Variants in ZBTB7C observed in about 807,000 individuals in gnomAD.
The protein encoded by ZBTB7C is zinc finger and BTB domain-containing protein 7C.
A neutral mutation model predicts 25.7 loss-of-function variants in ZBTB7C; 8 were observed. That is an observed-to-expected ratio of 0.31 (90% CI 0.18 to 0.56). The LOEUF is 0.56. Ranked by LOEUF, ZBTB7C falls within the 20% of genes least tolerant of loss-of-function variation. The pLI is 0.91. For missense variants in ZBTB7C, 824 were observed against 855.2 expected (o/e 0.96, Z 0.46); for synonymous variants, 394 against 369.0 (o/e 1.07, Z -0.78).
intron 3 of ZBTB7C, among the ~76,000 whole-genome samples, chr18:48,041,854 C>T (rs377368395): frequency 1.0e-3 from 154 of 151,622 alleles, no homozygotes; most frequent in Non-Finnish European, 1.8e-3. Context: ...AAATATAATG[C>T]AATATAAATA....
chr18:48,270,560 C>T (rs1450292925), intron 2 of ZBTB7C, among the ~76,000 whole-genome samples: 2 of 150,846 alleles, frequency 1.3e-5, no homozygotes, highest in African/African-American at 4.9e-5. Flanking sequence ...TGTGGTGGCA[C>T]GCACCTGTAA....
chr18:48,051,216 C>G (rs762613188), intron 3 of ZBTB7C, among the ~76,000 whole-genome samples: 5 of 152,198 alleles, frequency 3.3e-5, no homozygotes, highest in African/African-American at 7.2e-5. Context: ...AGCCAGGGTG[C>G]GCTTCTCTAG....
chr18:48,356,255 A>G (rs1269482144), intron 1 of ZBTB7C, among the ~76,000 whole-genome samples: 2 of 152,122 alleles, frequency 1.3e-5, no homozygotes, highest in African/African-American at 2.4e-5. Flanking sequence ...TCTCCAAGTG[A>G]ACTCGCTCAG....
chr18:48,134,437 TTGTAAGTGGAGA>T (rs1416743972), intron 3 of ZBTB7C, among the ~76,000 whole-genome samples: 1 of 151,494 alleles, frequency 6.6e-6, no homozygotes, highest in Non-Finnish European at 1.5e-5. Context: ...GGAAATGGCA[TTGTAAGTGGAGA>T]TGTAAGTGGA....
intron 3 of ZBTB7C, among the ~76,000 whole-genome samples, chr18:48,096,444 G>C (rs1380955901): frequency 6.6e-6 from 1 of 152,286 alleles, no homozygotes; most frequent in East Asian, 1.9e-4. Flanking sequence ...GCCACTGATT[G>C]CTTCCTGTGC....
chr18:48,358,489 G>A (rs548156321), intron 1 of ZBTB7C, among the ~76,000 whole-genome samples: 49 of 152,310 alleles, frequency 3.2e-4, no homozygotes, highest in Non-Finnish European at 5.1e-4. Flanking sequence ...AGCAGATGCT[G>A]GAGCCAGGCT....
At chr18:48,163,225 T>TC (rs1043330737) in intron 3 of ZBTB7C, among the ~76,000 whole-genome samples, 54 of 151,998 alleles carry the variant, frequency 3.6e-4, no homozygotes, top group African/African-American at 1.3e-3. Context: ...GAGCAAAATC[T>TC]CCCCCCTTTA....
intron 1 of ZBTB7C, among the ~76,000 whole-genome samples, chr18:48,406,710 A>G (rs1439473306): frequency 6.6e-6 from 1 of 152,166 alleles, no homozygotes; most frequent in Non-Finnish European, 1.5e-5. Flanking sequence ...AATTCTTGAT[A>G]CTCTGTGTCC....
At chr18:48,041,181 T>TCAA in intron 3 of ZBTB7C, 58 bp from the exon 4 acceptor site, 1 of 1,516,508 alleles carries the variant, frequency 6.6e-7, no homozygotes, top group Non-Finnish European at 8.8e-7. Context: ...AGGAGGGGTC[T>TCAA]CAACTCTAGG....
intron 2 of ZBTB7C, among the ~76,000 whole-genome samples, chr18:48,336,398 G>A (rs1393840256): frequency 6.6e-6 from 1 of 152,322 alleles, no homozygotes; most frequent in East Asian, 1.9e-4. Context: ...TATGGTGCCA[G>A]CTGCTGTCCT....
At chr18:48,317,795 G>A (rs556505327) in intron 2 of ZBTB7C, among the ~76,000 whole-genome samples, 3 of 152,154 alleles carry the variant, frequency 2.0e-5, no homozygotes, top group Non-Finnish European at 4.4e-5. Context: ...GATCACCTGG[G>A]GAGGCTTTGA....
At chr18:48,166,314 A>G (rs187466232) in intron 3 of ZBTB7C, among the ~76,000 whole-genome samples, 14 of 152,210 alleles carry the variant, frequency 9.2e-5, no homozygotes, top group African/African-American at 2.6e-4. Context: ...TTATTTATTT[A>G]TTTGTTTATT....
intron 2 of ZBTB7C, among the ~76,000 whole-genome samples, chr18:48,322,812 A>G (rs186528534): frequency 1.3e-5 from 2 of 152,334 alleles, no homozygotes; most frequent in East Asian, 3.9e-4. Flanking sequence ...CAGTCAATCA[A>G]TGAGTGGATA....
intron 1 of ZBTB7C, among the ~76,000 whole-genome samples, chr18:48,372,713 C>T (rs557620028): frequency 1.9e-4 from 29 of 152,286 alleles, no homozygotes; most frequent in Non-Finnish European, 3.5e-4. Flanking sequence ...CAGCCTCCCT[C>T]TCTGGACTGT....
At chr18:48,191,353 G>A (rs1430402301) in intron 2 of ZBTB7C, among the ~76,000 whole-genome samples, 5 of 152,340 alleles carry the variant, frequency 3.3e-5, no homozygotes, top group South Asian at 2.1e-4. Flanking sequence ...GACATTGGGC[G>A]AGTGACTTAA....
At chr18:48,119,646 C>T (rs572822023) in intron 3 of ZBTB7C, among the ~76,000 whole-genome samples, 1 of 152,322 alleles carries the variant, frequency 6.6e-6, no homozygotes, top group Admixed American at 6.5e-5. Flanking sequence ...GCAGGTCCTC[C>T]TGGCCCAACC....
intron 3 of ZBTB7C, among the ~76,000 whole-genome samples, chr18:48,060,950 C>T (rs750472996): frequency 6.6e-6 from 1 of 152,014 alleles, no homozygotes; most frequent in African/African-American, 2.4e-5. Flanking sequence ...GAAACCCAGT[C>T]GCATCCAACC....
At chr18:48,186,533 G>A (rs534914576) in intron 2 of ZBTB7C, among the ~76,000 whole-genome samples, 4 of 152,210 alleles carry the variant, frequency 2.6e-5, no homozygotes, top group African/African-American at 4.8e-5. Context: ...AAAATGCATC[G>A]GGGAGGTTGA....
intron 2 of ZBTB7C, among the ~76,000 whole-genome samples, chr18:48,215,735 T>G (rs982089015): frequency 1.3e-5 from 2 of 152,214 alleles, no homozygotes. Context: ...TCTCAGCTAC[T>G]CTCTTCAGGA....
Sources: allele counts gnomAD v4.1 joint callset (sites outside exome capture counted in the v4.1 genomes callset), GRCh38; gene constraint gnomAD v4.1.1; transcripts MANE v1.5; gene names NCBI Gene and HGNC (gene_info 2026-07-23, HGNC 2026-07-21).